Variants in TRIM23 observed in about 807,000 individuals in gnomAD.
The protein encoded by TRIM23 is tripartite motif containing 23, also known as E3 ubiquitin-protein ligase TRIM23.
TRIM23 carries 27 observed loss-of-function variants against 71.0 expected under a neutral mutation model. The observed-to-expected ratio is 0.38, with a 90% CI of 0.28 to 0.52. The LOEUF is 0.52. TRIM23 is among the 20% of genes least tolerant of loss of function. The probability of loss-of-function intolerance (pLI) is 0.84; values close to 1 mark genes in which losing one functional copy is unlikely to be tolerated. For missense variants in TRIM23, 482 were observed against 692.3 expected (o/e 0.70, Z 3.41); for synonymous variants, 234 against 238.0 (o/e 0.98, Z 0.16).
chr5:65,621,835 AT>A (rs1172047437), intron 1 of TRIM23, among the ~76,000 whole-genome samples: 5 of 149,546 alleles, frequency 3.3e-5, no homozygotes, highest in African/African-American at 2.5e-5. Flanking sequence ...TATTATTATT[AT>A]TTTTTTTTTG....
In TRIM23 at chr5:65,613,650, C is replaced by G. The variant is rs1001740614; in HGVS notation, c.366+448G>C. The G allele has an allele frequency of 6.3e-6, 7 of 1,103,128 alleles. No homozygotes were observed. The East Asian group carries it at 4.5e-4, about 71-fold the overall frequency. 68.3% of individuals were successfully genotyped at this position (1,103,128 alleles called of 1,614,324 possible). ...TACAAAGTTTAACCTTTTCTTGAAG[C>G]TATAACAGTAACAATTCCCTCAGAA... On this transcript the variant is annotated intron_variant, in intron 3 of 10. Coordinates refer to ENST00000231524, the MANE Select transcript of TRIM23 (RefSeq NM_001656.4).
chr5:65,603,709 C>T (rs1353429810), intron 7 of TRIM23, among the ~76,000 whole-genome samples: 2 of 151,904 alleles, frequency 1.3e-5, no homozygotes, highest in East Asian at 1.9e-4. Context: ...AAAACCAGCC[C>T]CTAAAAATGG....
At chr5:65,615,342 ACACT>A (rs1207550698) in intron 2 of TRIM23, among the ~76,000 whole-genome samples, 1 of 152,230 alleles carries the variant, frequency 6.6e-6, no homozygotes, top group Admixed American at 6.5e-5. Context: ...GACAACATAC[ACACT>A]CTTCCTGAAC....
intron 7 of TRIM23, among the ~76,000 whole-genome samples, chr5:65,599,990 T>C (rs1360023949): frequency 6.6e-6 from 1 of 152,098 alleles, no homozygotes; most frequent in Non-Finnish European, 1.5e-5. Context: ...AGGGAAAGCC[T>C]CAGGAAACTT....
At chr5:65,618,032 T>A in intron 2 of TRIM23, 61 bp downstream of exon 2, 2 of 1,447,622 alleles carry the variant, frequency 1.4e-6, no homozygotes, top group Non-Finnish European at 1.8e-6. Flanking sequence ...CATTGTTTCC[T>A]ATGACATTTG....
Position 65,590,141 on chromosome 5 carries a change from C to T in TRIM23, c.*1628G>A, listed in dbSNP as rs1753978804. On this transcript the variant is annotated 3_prime_UTR_variant, in exon 11 of 11. Transcript: ENST00000231524. ...GGGAAGCAAGTTCACCTTAGTGTTA[C>T]ACTTTTTCTTCAATTAACTAGTAAA... 7 of 520,942 alleles carry T rather than the reference C, an allele frequency of 1.3e-5. No homozygotes were observed. 32.3% of individuals were successfully genotyped at this position (520,942 alleles called of 1,614,324 possible). A position where few individuals can be genotyped will look rare whatever the true frequency, so the allele number is the denominator to read the frequency against.
intron 2 of TRIM23, among the ~76,000 whole-genome samples, chr5:65,616,324 T>G (rs974035198): frequency 1.3e-5 from 2 of 152,110 alleles, no homozygotes; most frequent in Non-Finnish European, 2.9e-5. Context: ...ATTGTGGTAT[T>G]AATGTAGAGA....
chr5:65,618,110 C>T lies in TRIM23; in HGVS notation c.227G>A (p.Arg76Gln), dbSNP rs1458118307. The T allele has an allele frequency of 8.1e-6, 13 of 1,612,204 alleles. No individual in the cohort carries two copies. Among genetic ancestry groups the T allele is most frequent in the Admixed American group, 1.7e-5 (1 of 59,630 alleles). The change falls in exon 2 of 11, where the codon CGA becomes CAA. Residue 76 changes from arginine to glutamine, a missense_variant. This residue lies in a region of TRIM23 where 175 missense variants were observed against 196.5 expected (regional missense o/e 0.89). Coordinates refer to ENST00000231524, the MANE Select transcript of TRIM23 (RefSeq NM_001656.4). Reference protein sequence around the residue: ...HGRAIRCPFDRQVTDLGDSGV... With the variant: ...HGRAIRCPFDQQVTDLGDSGV... ...TTTCCTACCTAGGTCTGTTACTTGTCGATCAAATGGGCAACGGATTGCTCT... is the reference window on the plus strand; with the variant it reads ...TTTCCTACCTAGGTCTGTTACTTGTTGATCAAATGGGCAACGGATTGCTCT...
At position 65,590,285 on chromosome 5, in the gene TRIM23, A is replaced by G. The variant is rs373002563; in HGVS notation, c.*1484T>C. 82 of 1,347,006 alleles carry G rather than the reference A, an allele frequency of 6.1e-5. No homozygotes were observed. Among genetic ancestry groups the G allele is most frequent in the Non-Finnish European group, 7.7e-5 (74 of 958,448 alleles). The allele number at this position is 1,347,006 out of a possible 1,614,324, so 83.4% of individuals were successfully genotyped here. A position where few individuals can be genotyped will look rare whatever the true frequency, so the allele number is the denominator to read the frequency against. ...ATTTATGCACACAAACTACACCTGT[A>G]ACAGCATGACCTTTTACCTGAAAAA... On this transcript the variant is annotated 3_prime_UTR_variant, in exon 11 of 11. Coordinates refer to ENST00000231524, the MANE Select transcript of TRIM23 (RefSeq NM_001656.4).
intron 7 of TRIM23, 86 bp downstream of exon 7, chr5:65,604,825 T>G (rs1754455106): frequency 7.7e-7 from 1 of 1,295,102 alleles, no homozygotes; most frequent in Admixed American, 2.6e-5. Flanking sequence ...AATTTCATGG[T>G]TGTCTCTTTA....
intron 5 of TRIM23, 31 bp from the exon 6 acceptor site, chr5:65,609,489 T>C: frequency 1.3e-6 from 2 of 1,585,684 alleles, no homozygotes; most frequent in South Asian, 1.1e-5. Flanking sequence ...TTTAAGCAAC[T>C]GTAATGTTAA....
At position 65,618,480 on chromosome 5, in the gene TRIM23, T is replaced by C. The variant is rs549879903; in HGVS notation, c.82-225A>G. Among the ~76,000 whole-genome samples, 7 of 152,290 alleles carry C rather than the reference T, an allele frequency of 4.6e-5. No homozygotes were observed. The East Asian group carries it at 9.7e-4, about 21-fold the overall frequency. Reference sequence around the variant, plus strand: ...AATGAAATATCTTTGAAATACTAAGTGTTGGGGCAAAGATGCTGTAAATTA... The same window carrying C: ...AATGAAATATCTTTGAAATACTAAGCGTTGGGGCAAAGATGCTGTAAATTA... On this transcript the variant is annotated intron_variant, in intron 1 of 10. Coordinates refer to ENST00000231524, the MANE Select transcript of TRIM23 (RefSeq NM_001656.4).
chr5:65,617,690 A>AT (rs1159203684), intron 2 of TRIM23, among the ~76,000 whole-genome samples: 2 of 152,204 alleles, frequency 1.3e-5, no homozygotes, highest in African/African-American at 4.8e-5. Flanking sequence ...AGTAAATAAA[A>AT]ACATGGTGAG....
At chr5:65,618,023 ATTGT>A in intron 2 of TRIM23, 66 bp downstream of exon 2, 1 of 1,415,992 alleles carries the variant, frequency 7.1e-7, no homozygotes, top group East Asian at 2.6e-5. Flanking sequence ...GTGGAAGGAC[ATTGT>A]TTCCTATGAC....
At chr5:65,623,665 A>G (rs1405530716) in intron 1 of TRIM23, among the ~76,000 whole-genome samples, 2 of 152,212 alleles carry the variant, frequency 1.3e-5, no homozygotes, top group African/African-American at 4.8e-5. Context: ...AGCTCACCCA[A>G]TAACAGATGT....
chr5:65,622,600 C>T (rs1238049008), intron 1 of TRIM23, among the ~76,000 whole-genome samples: 2 of 152,290 alleles, frequency 1.3e-5, no homozygotes, highest in East Asian at 3.9e-4. Flanking sequence ...CAACTTTTAC[C>T]TTCCAATAAA....
chr5:65,610,233 C>T (rs989900740), intron 5 of TRIM23, among the ~76,000 whole-genome samples: 1 of 152,154 alleles, frequency 6.6e-6, no homozygotes, highest in African/African-American at 2.4e-5. Context: ...TTTGTTGCTC[C>T]TCCAATTCAT....
At chr5:65,606,746 C>T (rs1754518544) in intron 6 of TRIM23, among the ~76,000 whole-genome samples, 3 of 152,212 alleles carry the variant, frequency 2.0e-5, no homozygotes, top group Non-Finnish European at 4.4e-5. Flanking sequence ...ATCTCACCTT[C>T]CCTCAATAAT....
rs181483542 is a variant in TRIM23 at position 65,594,625 on chromosome 5, T to C, written c.1441A>G (p.Ser481Gly). ...TCACTAATTCTGTCTCTATGACTGC[T>C]ATCTACAACAAACACAACAGCTACC... ...NTQAVVFVVD[S>G]SHRDRISEAH... The change falls in exon 10 of 11, where the codon AGC becomes GGC. Residue 481 changes from serine (S) to glycine (G), a missense_variant. Ser to Gly is a moderately conservative substitution (Grantham distance 56). Transcript: ENST00000231524. 1.8e-5 allele frequency: 28 copies of C among 1,591,258 alleles called. No individual in the cohort carries two copies. The African/African-American group carries it at 3.7e-4, about 21-fold the overall frequency.
Sources: gnomAD v4.1 joint callset for allele counts (sites outside exome capture counted in the v4.1 genomes callset) on GRCh38, gnomAD v4.1.1 for gene constraint, gnomAD v4.1.1 regional missense constraint, MANE v1.5 for transcripts, NCBI Gene and HGNC (gene_info 2026-07-23, HGNC 2026-07-21) for gene names.